CEP63: variants seen among roughly 807,000 people sequenced by gnomAD.
CEP63 encodes centrosomal protein of 63 kDa.
A neutral mutation model predicts 89.1 loss-of-function variants in CEP63; 84 were observed. The observed-to-expected ratio is 0.94, with a 90% confidence interval of 0.79 to 1.13. The LOEUF (loss-of-function observed/expected upper bound fraction) is 1.13, where lower values mean the gene tolerates loss of function less well. CEP63 is among the 50% of genes most tolerant of loss of function. The pLI is 0.00. For missense variants in CEP63, 838 were observed against 813.3 expected (o/e 1.03, Z -0.37); for synonymous variants, 267 against 272.5 (o/e 0.98, Z 0.20).
the CEP63 span, among the ~76,000 whole-genome samples, chr3:134,648,180 G>A: frequency 3.3e-5 from 5 of 152,202 alleles, no homozygotes; most frequent in African/African-American, 7.2e-5. Flanking sequence ...ATCCTGGCGC[G>A]GAAGGAGTAT....
the CEP63 span, among the ~76,000 whole-genome samples, chr3:134,725,874 G>T: frequency 6.6e-6 from 1 of 152,104 alleles, no homozygotes; most frequent in Admixed American, 6.5e-5. Flanking sequence ...GCAGGTCAGG[G>T]GGCTCAGAGG....
At chr3:134,638,715 C>G in the CEP63 span, among the ~76,000 whole-genome samples, 1 of 152,260 alleles carries the variant, frequency 6.6e-6, no homozygotes, top group African/African-American at 2.4e-5. Context: ...TACTGCCCTG[C>G]CTTTCACCCA....
At chr3:134,547,592 CA>C in intron 9 of CEP63, 120 bp downstream of exon 9, 1 of 357,894 alleles carries the variant, frequency 2.8e-6, no homozygotes, top group Admixed American at 4.7e-5. Context: ...CTAGTATCCA[CA>C]AATGGCCTAA....
chr3:134,669,307 C>T, the CEP63 span, among the ~76,000 whole-genome samples: 38 of 152,248 alleles, frequency 2.5e-4, no homozygotes, highest in South Asian at 7.1e-3. Context: ...AGATTACAGG[C>T]GTGAGCCACC....
chr3:134,677,748 A>C, the CEP63 span, among the ~76,000 whole-genome samples: 1 of 152,018 alleles, frequency 6.6e-6, no homozygotes, highest in African/African-American at 2.4e-5. Flanking sequence ...CCTGAGATTC[A>C]GATTAGCCCT....
the CEP63 span, among the ~76,000 whole-genome samples, chr3:134,593,479 G>C: frequency 6.6e-6 from 1 of 152,108 alleles, no homozygotes; most frequent in African/African-American, 2.4e-5. Context: ...GCAGAACTGG[G>C]GTTAGGAATC....
At chr3:134,724,173 G>T in the CEP63 span, among the ~76,000 whole-genome samples, 1 of 152,214 alleles carries the variant, frequency 6.6e-6, no homozygotes, top group South Asian at 2.1e-4. Flanking sequence ...AGGGACCTTA[G>T]ATGTGCCTAT....
intron 10 of CEP63, among the ~76,000 whole-genome samples, chr3:134,583,849 A>G (rs764616377): frequency 1.3e-5 from 2 of 151,928 alleles, no homozygotes; most frequent in African/African-American, 2.4e-5. Context: ...GTCCTCTTTT[A>G]TTTCGTTGAG....
the CEP63 span, among the ~76,000 whole-genome samples, chr3:134,598,925 A>T: frequency 2.5e-4 from 38 of 152,358 alleles, no homozygotes; most frequent in Non-Finnish European, 4.6e-4. Flanking sequence ...ATCCTGTCAG[A>T]GGCTGTTCTT....
At chr3:134,512,090 A>G (rs904327039) in intron 3 of CEP63, among the ~76,000 whole-genome samples, 3 of 152,172 alleles carry the variant, frequency 2.0e-5, no homozygotes, top group Admixed American at 6.5e-5. Context: ...AACAGCTAAA[A>G]TCAGTGTATA....
chr3:134,769,039 C>T, the CEP63 span, among the ~76,000 whole-genome samples: 1 of 152,170 alleles, frequency 6.6e-6, no homozygotes, highest in Non-Finnish European at 1.5e-5. Flanking sequence ...AGGAACCGGT[C>T]AGGCCAGGGA....
downstream of CEP63, among the ~76,000 whole-genome samples, chr3:134,578,322 G>GTTTTTTTTTTTTTTTTTTTT (rs71139542): frequency 1.6e-5 from 1 of 62,076 alleles, no homozygotes; most frequent in Non-Finnish European, 3.0e-5. Context: ...TCTGACTTGT[G>GTTTTTTTTTTTTTTTTTTTT]TTTTTTTTTT....
chr3:134,620,360 C>T, the CEP63 span, among the ~76,000 whole-genome samples: 1 of 152,174 alleles, frequency 6.6e-6, no homozygotes, highest in South Asian at 2.1e-4. Context: ...ATTGCAATCA[C>T]TTTTCAAACA....
chr3:134,627,948 T>G, the CEP63 span: 2 of 709,854 alleles, frequency 2.8e-6, no homozygotes, highest in Non-Finnish European at 5.0e-6. Flanking sequence ...AGTCTCCTTG[T>G]TCCCACCCCA....
the CEP63 span, among the ~76,000 whole-genome samples, chr3:134,756,827 TG>T: frequency 6.6e-6 from 1 of 152,148 alleles, no homozygotes. Flanking sequence ...ACTCCAGGGA[TG>T]GGGGCACCTG....
intron 13 of CEP63, among the ~76,000 whole-genome samples, chr3:134,558,590 A>AT (rs1464678151): frequency 6.6e-6 from 1 of 152,186 alleles, no homozygotes; most frequent in African/African-American, 2.4e-5. Flanking sequence ...CAAGATGTGT[A>AT]TTACCTGAGG....
chr3:134,616,914 G>A, the CEP63 span, among the ~76,000 whole-genome samples: 2 of 152,182 alleles, frequency 1.3e-5, no homozygotes, highest in Non-Finnish European at 2.9e-5. Context: ...AGCCCTGCCA[G>A]GTAGGCAATC....
At chr3:134,486,654 T>C in intron 1 of CEP63, 1 of 571,068 alleles carries the variant, frequency 1.8e-6, no homozygotes, top group Non-Finnish European at 2.2e-6. Flanking sequence ...CCAGGGCTGC[T>C]GTCTAGCTAG....
intron 11 of CEP63, among the ~76,000 whole-genome samples, chr3:134,571,843 G>A (rs1019793699): frequency 6.6e-6 from 1 of 152,176 alleles, no homozygotes; most frequent in Non-Finnish European, 1.5e-5. Context: ...CTGAGTGGCA[G>A]GTCTATCACC....
Sources: allele counts gnomAD v4.1 joint callset (sites outside exome capture counted in the v4.1 genomes callset), GRCh38; gene constraint gnomAD v4.1.1; transcripts MANE v1.5; gene names NCBI Gene and HGNC (gene_info 2026-07-23, HGNC 2026-07-21).